The following CCDC122 variants were observed in gnomAD, a reference collection of about 807,000 sequenced individuals.
The protein encoded by CCDC122 is coiled-coil domain-containing protein 122.
Under a neutral mutation model 37.0 loss-of-function variants are expected in CCDC122, and 38 were observed. That is an observed-to-expected ratio of 1.03 (90% CI 0.79 to 1.35). CCDC122 has a LOEUF of 1.35. Ranked by LOEUF, CCDC122 falls within the 40% of genes most tolerant of loss-of-function variation. The pLI is 0.00. For missense variants in CCDC122, 305 were observed against 310.0 expected (o/e 0.98, Z 0.12); for synonymous variants, 83 against 95.6 (o/e 0.87, Z 0.77).
intron 3 of CCDC122, among the ~76,000 whole-genome samples, chr13:43,829,908 C>G (rs1953072747): frequency 6.6e-6 from 1 of 152,138 alleles, no homozygotes; most frequent in African/African-American, 2.4e-5. Context: ...TGGAGTCTCA[C>G]TCTGTTGCCC....
At chr13:43,877,104 T>G (rs1355215529) in intron 1 of CCDC122, among the ~76,000 whole-genome samples, 1 of 152,094 alleles carries the variant, frequency 6.6e-6, no homozygotes, top group Non-Finnish European at 1.5e-5. Context: ...AGACTTCATC[T>G]CAAAAAAGAA....
At chr13:43,824,851 C>G (rs1355177468) in intron 3 of CCDC122, among the ~76,000 whole-genome samples, 1 of 152,108 alleles carries the variant, frequency 6.6e-6, no homozygotes, top group African/African-American at 2.4e-5. Context: ...CAATGAGATA[C>G]CATCTCATAC....
chr13:43,821,869 G>C (rs963073066), downstream of CCDC122, among the ~76,000 whole-genome samples: 2 of 152,090 alleles, frequency 1.3e-5, no homozygotes, highest in Non-Finnish European at 2.9e-5. Flanking sequence ...AAATTCATCT[G>C]ATAGAATTCT....
intron 4 of CCDC122, among the ~76,000 whole-genome samples, chr13:43,864,825 C>T (rs951173737): frequency 6.6e-6 from 1 of 152,102 alleles, no homozygotes; most frequent in Non-Finnish European, 1.5e-5. Flanking sequence ...TGGGTCTCTA[C>T]ATAGTTTAGG....
intron 6 of CCDC122, chr13:43,855,678 AAAAT>A (rs1394646548): frequency 7.8e-6 from 1 of 128,484 alleles, no homozygotes; most frequent in Non-Finnish European, 1.7e-5. Flanking sequence ...AAAAAGTAAA[AAAAT>A]AAAACAAAAC....
intron 6 of CCDC122, chr13:43,854,552 G>C (rs1428132031): frequency 6.6e-6 from 1 of 152,158 alleles, no homozygotes; most frequent in Non-Finnish European, 1.5e-5. Flanking sequence ...GATATACAAA[G>C]AAGAGCTGGT....
At chr13:43,855,088 C>T (rs1436367802) in intron 6 of CCDC122, 1 of 152,196 alleles carries the variant, frequency 6.6e-6, no homozygotes, top group Non-Finnish European at 1.5e-5. Flanking sequence ...CCCTCTCTCA[C>T]TACTCTTACT....
intron 6 of CCDC122, among the ~76,000 whole-genome samples, chr13:43,842,528 C>T (rs142866070): frequency 7.3e-5 from 11 of 150,488 alleles, no homozygotes; most frequent in African/African-American, 2.4e-4. Flanking sequence ...TGCGTTTTCA[C>T]GTAAATTTTA....
At chr13:43,851,048 C>A (rs1953711569) in intron 6 of CCDC122, among the ~76,000 whole-genome samples, 1 of 152,054 alleles carries the variant, frequency 6.6e-6, no homozygotes, top group African/African-American at 2.4e-5. Flanking sequence ...AGTGGCATAA[C>A]ATTTTTCAAC....
chr13:43,822,827 C>T (rs929226873), downstream of CCDC122, among the ~76,000 whole-genome samples: 3 of 152,108 alleles, frequency 2.0e-5, no homozygotes, highest in Non-Finnish European at 4.4e-5. Context: ...CTGAGACTCA[C>T]CCTTCAGAGT....
At chr13:43,821,018 G>T (rs1952989159), downstream of CCDC122, among the ~76,000 whole-genome samples, 1 of 152,176 alleles carries the variant, frequency 6.6e-6, no homozygotes, top group African/African-American at 2.4e-5. Context: ...ATTCTCAAAT[G>T]TCTTATTCCA....
In CCDC122 at chr13:43,869,443, A is replaced by G. The variant is rs1303560142; in HGVS notation, c.-67T>C. On this transcript the variant is annotated 5_prime_UTR_variant, in exon 3 of 7. Transcript: ENST00000444614. ...TCTTTACTCCTACTCAATAATCTAT[A>G]TTGATAATCTTTCACTTTTGTTTTT... 1.5e-5 allele frequency: 19 copies of G among 1,288,890 alleles called. No homozygotes were observed. The highest frequency in any genetic ancestry group is 3.0e-5 in the African/African-American group (2 of 66,352). The allele number at this position is 1,288,890 out of a possible 1,614,324, so 79.8% of individuals were successfully genotyped here.
chr13:43,830,626 TGA>T (rs1487075890), intron 3 of CCDC122, among the ~76,000 whole-genome samples: 2 of 152,224 alleles, frequency 1.3e-5, no homozygotes, highest in African/African-American at 4.8e-5. Flanking sequence ...TTTAAAAATC[TGA>T]GAGGATTTAG....
intron 4 of CCDC122, among the ~76,000 whole-genome samples, chr13:43,868,009 C>T (rs1476030808): frequency 6.6e-6 from 1 of 151,624 alleles, no homozygotes; most frequent in Non-Finnish European, 1.5e-5. Flanking sequence ...ATGGGCACGT[C>T]CTATTGTTAT....
intron 2 of CCDC122, among the ~76,000 whole-genome samples, chr13:43,873,976 T>G (rs1318425150): frequency 1.3e-5 from 2 of 152,204 alleles, no homozygotes; most frequent in Admixed American, 1.3e-4. Context: ...AGAATAATGC[T>G]CCAAAAGCAC....
chr13:43,857,409 ATTTTTAAG>A (rs1299987116), intron 6 of CCDC122, among the ~76,000 whole-genome samples: 2 of 151,430 alleles, frequency 1.3e-5, no homozygotes, highest in Non-Finnish European at 2.9e-5. Context: ...TCTGACACAA[ATTTTTAAG>A]TTTTTATCCT....
At chr13:43,853,190 G>T (rs1227454471) in intron 6 of CCDC122, among the ~76,000 whole-genome samples, 2 of 152,124 alleles carry the variant, frequency 1.3e-5, no homozygotes, top group African/African-American at 2.4e-5. Flanking sequence ...GGGACAGAGT[G>T]GCAAGCTGGA....
At chr13:43,869,537 A>T (rs1242899834) in intron 2 of CCDC122, 48 bp from the exon 3 acceptor site, 6 of 561,268 alleles carry the variant, frequency 1.1e-5, no homozygotes, top group Non-Finnish European at 1.8e-5. Context: ...TGTCAATGAC[A>T]TTTTATCATT....
intron 3 of CCDC122, among the ~76,000 whole-genome samples, chr13:43,826,239 A>C (rs1216605183): frequency 6.6e-6 from 1 of 152,180 alleles, no homozygotes; most frequent in Non-Finnish European, 1.5e-5. Flanking sequence ...CATATTAAAT[A>C]GTGCTATATT....
Sources: allele counts gnomAD v4.1 joint callset (sites outside exome capture counted in the v4.1 genomes callset), GRCh38; gene constraint gnomAD v4.1.1; transcripts MANE v1.5; gene names NCBI Gene and HGNC (gene_info 2026-07-23, HGNC 2026-07-21).